ARHGAP24: variants seen among roughly 807,000 people sequenced by gnomAD.
ARHGAP24 encodes the protein rho GTPase-activating protein 24.
ARHGAP24 carries 50 observed loss-of-function variants against 76.4 expected under a neutral mutation model. The ratio of observed to expected loss-of-function variants is 0.65; its 90% CI spans 0.52 to 0.83. The LOEUF (loss-of-function observed/expected upper bound fraction) is 0.83. Among genes scored for constraint, ARHGAP24 ranks in the 40% least tolerant of loss-of-function variants. The pLI, the probability that ARHGAP24 is intolerant of heterozygous loss-of-function variation, is 0.00. For missense variants in ARHGAP24, 930 were observed against 914.2 expected (o/e 1.02, Z -0.22); for synonymous variants, 345 against 323.3 (o/e 1.07, Z -0.72).
At chr4:85,955,589 T>G (rs1211131565) in intron 5 of ARHGAP24, among the ~76,000 whole-genome samples, 2 of 152,160 alleles carry the variant, frequency 1.3e-5, no homozygotes, top group Non-Finnish European at 2.9e-5. Flanking sequence ...TGCCCCCATC[T>G]CCACATGGCA....
At chr4:85,495,910 AT>A (rs978331588) in intron 1 of ARHGAP24, among the ~76,000 whole-genome samples, 104 of 152,206 alleles carry the variant, frequency 6.8e-4, no homozygotes, top group African/African-American at 2.2e-3. Context: ...TAATCCTTTT[AT>A]AGTATCACAT....
intron 2 of ARHGAP24, among the ~76,000 whole-genome samples, chr4:85,719,431 G>A (rs981639592): frequency 6.6e-6 from 1 of 152,138 alleles, no homozygotes; most frequent in Non-Finnish European, 1.5e-5. Flanking sequence ...GTTGGAGAGC[G>A]CTATGCTTTA....
chr4:85,736,188 C>T (rs906778026), intron 3 of ARHGAP24, among the ~76,000 whole-genome samples: 1 of 152,176 alleles, frequency 6.6e-6, no homozygotes, highest in African/African-American at 2.4e-5. Context: ...CACAGGATGT[C>T]TTAAACCACT....
chr4:85,577,613 G>C (rs950464421), intron 2 of ARHGAP24, among the ~76,000 whole-genome samples: 1 of 152,178 alleles, frequency 6.6e-6, no homozygotes, highest in African/African-American at 2.4e-5. Context: ...CGTGACTAAA[G>C]TAATACCAAG....
At chr4:85,771,920 G>A (rs989359564) in intron 3 of ARHGAP24, among the ~76,000 whole-genome samples, 8 of 152,072 alleles carry the variant, frequency 5.3e-5, no homozygotes, top group African/African-American at 1.9e-4. Flanking sequence ...TGTTGACCAG[G>A]CTGGTCTTGA....
intron 2 of ARHGAP24, among the ~76,000 whole-genome samples, chr4:85,664,515 A>C (rs1421439440): frequency 6.7e-6 from 1 of 149,844 alleles, no homozygotes; most frequent in Admixed American, 6.6e-5. Flanking sequence ...TATTTCCTTC[A>C]GTTCTGCTCT....
chr4:85,655,594 C>G (rs904732525), intron 2 of ARHGAP24, among the ~76,000 whole-genome samples: 1 of 151,388 alleles, frequency 6.6e-6, no homozygotes, highest in East Asian at 2.0e-4. Context: ...CCAGACTGGC[C>G]AACATGGTGA....
intron 3 of ARHGAP24, among the ~76,000 whole-genome samples, chr4:85,779,999 G>A (rs1727471021): frequency 6.6e-6 from 1 of 152,052 alleles, no homozygotes; most frequent in African/African-American, 2.4e-5. Context: ...TCCACTATAT[G>A]TTTTGAGCTC....
chr4:85,870,104 C>T (rs887150417), intron 3 of ARHGAP24, among the ~76,000 whole-genome samples: 6 of 152,152 alleles, frequency 3.9e-5, no homozygotes, highest in Admixed American at 3.3e-4. Flanking sequence ...CTGCCTGACA[C>T]ATAGACAGCA....
chr4:85,688,051 A>G lies in ARHGAP24; in HGVS notation c.181-33834A>G, dbSNP rs144804867. On this transcript the variant is annotated intron_variant, in intron 2 of 9. Coordinates refer to ENST00000395184, the MANE Select transcript of ARHGAP24 (RefSeq NM_001025616.3). ...TGATCTCGAACTCCTGACCTTAGAT[A>G]ATCCGCCCGCCTTGGCCTCCCAAAG... is the stretch of plus-strand genomic sequence containing the variant. Among the ~76,000 whole-genome samples, 804 of 152,046 alleles carry G rather than the reference A, an allele frequency of 5.3e-3. 7 individuals carry two copies. The highest frequency in any genetic ancestry group is 0.018 in the African/African-American group (760 of 41,482).
intron 2 of ARHGAP24, among the ~76,000 whole-genome samples, chr4:85,694,322 C>T (rs1723790076): frequency 6.6e-6 from 1 of 151,934 alleles, no homozygotes; most frequent in Admixed American, 6.6e-5. Context: ...ACTTGTAAAT[C>T]AGCTAGGTGG....
At chr4:85,858,971 T>A (rs1731732884) in intron 3 of ARHGAP24, among the ~76,000 whole-genome samples, 1 of 151,894 alleles carries the variant, frequency 6.6e-6, no homozygotes, top group Admixed American at 6.6e-5. Flanking sequence ...GAACCTCAGG[T>A]ACATATAAAG....
intron 8 of ARHGAP24, chr4:85,992,206 T>C: frequency 2.5e-6 from 1 of 397,354 alleles, no homozygotes; most frequent in East Asian, 3.6e-5. Context: ...AAACTGATAG[T>C]GTGTACAGTG....
intron 1 of ARHGAP24, among the ~76,000 whole-genome samples, chr4:85,497,940 C>T (rs192437631): frequency 2.6e-5 from 4 of 152,330 alleles, no homozygotes; most frequent in African/African-American, 7.2e-5. Context: ...TTGGGTCTCC[C>T]TCGGTGTTCA....
intron 3 of ARHGAP24, among the ~76,000 whole-genome samples, chr4:85,921,264 A>G (rs1382881040): frequency 1.3e-5 from 2 of 152,220 alleles, no homozygotes; most frequent in Non-Finnish European, 2.9e-5. Context: ...CATTATCCTT[A>G]GCAAACTACC....
At chr4:85,650,866 G>T (rs1721914360) in intron 2 of ARHGAP24, among the ~76,000 whole-genome samples, 1 of 149,390 alleles carries the variant, frequency 6.7e-6, no homozygotes, top group Non-Finnish European at 1.5e-5. Context: ...TATATTCCTA[G>T]GTAAGCCTCT....
At position 85,676,503 on chromosome 4, in the gene ARHGAP24, G is replaced by A. The variant is rs189142131; in HGVS notation, c.181-45382G>A. ...GGCTTGGGGTCTGGGTTTAGGGGTG[G>A]AGTTGGTAGTGTTGGGTAAGTGGAG... is the stretch of plus-strand genomic sequence containing the variant. On this transcript the variant is annotated intron_variant, in intron 2 of 9. Transcript: ENST00000395184. 3.1e-3 allele frequency among the ~76,000 whole-genome samples: 471 copies of A among 152,266 alleles called. 1 individual carries two copies. Among genetic ancestry groups the A allele is most frequent in the Non-Finnish European group, 3.6e-3 (248 of 68,000 alleles).
chr4:85,929,043 TAAG>T (rs1400845923), intron 4 of ARHGAP24, among the ~76,000 whole-genome samples: 4 of 152,162 alleles, frequency 2.6e-5, no homozygotes, highest in Non-Finnish European at 5.9e-5. Context: ...ACTTGTGAAA[TAAG>T]AAAATTAGAA....
intron 3 of ARHGAP24, among the ~76,000 whole-genome samples, chr4:85,767,215 G>A (rs1368842933): frequency 6.6e-6 from 1 of 152,142 alleles, no homozygotes; most frequent in Non-Finnish European, 1.5e-5. Context: ...TGCAAATGAT[G>A]TGTGTTTATT....
Sources: allele counts gnomAD v4.1 joint callset (sites outside exome capture counted in the v4.1 genomes callset), GRCh38; gene constraint gnomAD v4.1.1; transcripts MANE v1.5; gene names NCBI Gene and HGNC (gene_info 2026-07-23, HGNC 2026-07-21).